Variants in MAST2 observed in about 807,000 individuals in gnomAD.
MAST2 encodes the protein microtubule associated serine/threonine kinase 2.
In MAST2, 70 loss-of-function variants were observed where a neutral mutation model predicts 147.4. The ratio of observed to expected loss-of-function variants is 0.47; its 90% confidence interval spans 0.39 to 0.58. MAST2 has a LOEUF of 0.58. Among genes scored for constraint, MAST2 ranks in the 20% least tolerant of loss-of-function variants. MAST2 has a pLI of 0.00. For synonymous variants in MAST2, 869 were observed against 896.8 expected, an observed-to-expected ratio of 0.97 and a Z score of 0.55; for missense variants, 2,080 against 2,302.3, an observed-to-expected ratio of 0.90 and a Z score of 1.98.
chr1:45,927,466 C>T (rs566611649), intron 4 of MAST2, among the ~76,000 whole-genome samples: 3 of 152,234 alleles, frequency 2.0e-5, no homozygotes, highest in Admixed American at 2.0e-4. Context: ...CCTCCAGGCG[C>T]GTATTCTCTT....
intron 4 of MAST2, among the ~76,000 whole-genome samples, chr1:45,904,854 C>CT (rs1650411966): frequency 6.6e-6 from 1 of 152,148 alleles, no homozygotes; most frequent in Non-Finnish European, 1.5e-5. Flanking sequence ...GTTGCCCAGG[C>CT]TGGAGTGTAG....
intron 4 of MAST2, among the ~76,000 whole-genome samples, chr1:45,908,577 A>T (rs1424944364): frequency 6.6e-6 from 1 of 152,202 alleles, no homozygotes; most frequent in African/African-American, 2.4e-5. Flanking sequence ...GTTTCCAAAT[A>T]TTGGAAGATT....
Position 46,035,569 on chromosome 1 carries a change from A to T in MAST2, c.4900A>T (p.Thr1634Ser). 1 of 1,613,536 alleles carries T rather than the reference A, an allele frequency of 6.2e-7. No individual in the cohort carries two copies. Among genetic ancestry groups the T allele is most frequent in the Non-Finnish European group, 8.5e-7 (1 of 1,179,972 alleles). Reference sequence around the variant, plus strand: ...GGCACTAACAGCACTTTCTCCCAGCACTTCGGGACTCACCCCCACCAGCAG... The same window carrying T: ...GGCACTAACAGCACTTTCTCCCAGCTCTTCGGGACTCACCCCCACCAGCAG... The part of the protein sequence containing the change: ...TQALTALSPS[T>S]SGLTPTSSCS... Residue 1634 changes from threonine (T) to serine (S), a missense_variant, in exon 29 of 29, where the codon ACT becomes TCT. Physicochemically the swap from Thr to Ser is moderately conservative, Grantham distance 58 (BLOSUM62 1). Transcript: ENST00000361297. This position sits in a 1 kb window ranked among gnomAD's most constrained non-coding sequence, Gnocchi z 5.5.
In MAST2 at chr1:45,988,202, C is replaced by T. The variant is rs144652096; in HGVS notation, c.593-9522C>T. ...TAATTTATTTTATTTTTTGTAGAGA[C>T]GTGGTCTGGCTATGTTGCCCAGGAT... On this transcript the variant is annotated intron_variant, in intron 5 of 28. Coordinates refer to ENST00000361297, the MANE Select transcript of MAST2 (RefSeq NM_015112.3). Among the ~76,000 whole-genome samples, 885 of 152,026 alleles carry T rather than the reference C, an allele frequency of 5.8e-3. 3 individuals are homozygous for T. The highest frequency in any genetic ancestry group is 0.02 in the Middle Eastern group (6 of 294).
intron 5 of MAST2, among the ~76,000 whole-genome samples, chr1:45,959,868 A>G (rs1272951085): frequency 6.6e-6 from 1 of 152,162 alleles, no homozygotes; most frequent in East Asian, 1.9e-4. Context: ...TTTTTCGTCT[A>G]ATGGGACTCC....
intron 5 of MAST2, among the ~76,000 whole-genome samples, chr1:45,978,912 G>A (rs941560668): frequency 2.6e-5 from 4 of 152,112 alleles, no homozygotes; most frequent in Non-Finnish European, 2.9e-5. Context: ...ATTTTTGGGC[G>A]ATAAAAATGT....
chr1:45,862,835 A>G (rs1646025251), intron 3 of MAST2, among the ~76,000 whole-genome samples: 1 of 152,196 alleles, frequency 6.6e-6, no homozygotes, highest in Non-Finnish European at 1.5e-5. Context: ...ATAATCCCAT[A>G]ACGTTAGTTT....
At chr1:46,007,547 C>G (rs1645536944) in intron 8 of MAST2, among the ~76,000 whole-genome samples, 1 of 152,186 alleles carries the variant, frequency 6.6e-6, no homozygotes, top group Admixed American at 6.5e-5. Flanking sequence ...GCAGGCAAAA[C>G]ATGGCACATT....
chr1:45,937,176 T>A (rs1320310459), intron 4 of MAST2, among the ~76,000 whole-genome samples: 3 of 151,860 alleles, frequency 2.0e-5, no homozygotes, highest in African/African-American at 7.3e-5. Flanking sequence ...GCTCAAGTGA[T>A]CCTTCCACTT....
At chr1:45,895,647 AACAG>A (rs1443714778) in intron 4 of MAST2, among the ~76,000 whole-genome samples, 2 of 152,248 alleles carry the variant, frequency 1.3e-5, no homozygotes, top group African/African-American at 2.4e-5. Flanking sequence ...AAAACTGTTT[AACAG>A]ACAGTTTTTT....
intron 4 of MAST2, among the ~76,000 whole-genome samples, chr1:45,884,365 T>C (rs1296861384): frequency 2.6e-5 from 4 of 152,004 alleles, no homozygotes; most frequent in African/African-American, 7.2e-5. Context: ...CTGACCAATA[T>C]GGTAAAACCC....
At chr1:45,902,255 T>G (rs968950167) in intron 4 of MAST2, among the ~76,000 whole-genome samples, 2 of 152,192 alleles carry the variant, frequency 1.3e-5, no homozygotes, top group Non-Finnish European at 2.9e-5. Context: ...TGGTTTTTGT[T>G]TTTTATTCTG....
At chr1:45,906,102 G>T (rs6675946) in intron 4 of MAST2, among the ~76,000 whole-genome samples, 67,667 of 151,844 alleles carry the variant, frequency 0.45, 15,267 homozygotes, top group East Asian at 0.63. Flanking sequence ...TGTGAAATGT[G>T]TTCAGATATT....
chr1:45,877,332 T>C (rs1570491821), intron 3 of MAST2, among the ~76,000 whole-genome samples: 1 of 152,266 alleles, frequency 6.6e-6, no homozygotes, highest in Admixed American at 6.5e-5. Flanking sequence ...GCTTAAGGGA[T>C]TCTCCTGCCT....
intron 4 of MAST2, among the ~76,000 whole-genome samples, chr1:45,933,808 A>G (rs981103859): frequency 6.6e-6 from 1 of 151,882 alleles, no homozygotes; most frequent in Non-Finnish European, 1.5e-5. Flanking sequence ...TGATATATTT[A>G]CTTATTTTTT....
rs1229800479 is a variant in MAST2, at chr1:45,803,995, C to T, written c.100C>T (p.Pro34Ser). Residue 34 changes from proline to serine, a missense_variant, in exon 1 of 29, where the codon CCG becomes TCG. Pro to Ser is a moderately conservative substitution (Grantham distance 74). This residue lies in a region of MAST2 where 24 missense variants were observed against 46.1 expected (regional missense o/e 0.52). Coordinates refer to ENST00000361297, the MANE Select transcript of MAST2 (RefSeq NM_015112.3). ...AGCGGAGCTGTCTCAGTCTTTGCCG[C>T]CGCGCCGGCGAGCGCCGCCCGGGAG... ...RAAELSQSLP[P>S]RRRAPPGRQR... The T allele has an allele frequency of 6.0e-6, 7 of 1,159,342 alleles. No homozygotes were observed. In the East Asian group the frequency reaches 1.9e-4, roughly 32 times the overall value. 71.8% of individuals were successfully genotyped at this position (1,159,342 alleles called of 1,614,324 possible). A position where few individuals can be genotyped will look rare whatever the true frequency, so the allele number is the denominator to read the frequency against.
Position 46,012,280 on chromosome 1 carries a change from A to G in MAST2, c.1188+1341A>G, listed in dbSNP as rs1037809324. Among the ~76,000 whole-genome samples the G allele has an allele frequency of 9.2e-5, 14 of 152,208 alleles. 1 individual carries two copies. The highest frequency in any genetic ancestry group is 1.5e-4 in the Non-Finnish European group (10 of 68,040). ...GTATGTTTAAGATTTATCTTCTAAA[A>G]TGCTAAAGTCAGAGCCTTGCCCAAA... On this transcript the variant is annotated intron_variant, in intron 10 of 28. Transcript: ENST00000361297.
intron 5 of MAST2, among the ~76,000 whole-genome samples, chr1:45,992,354 A>T (rs374006275): frequency 3.3e-5 from 5 of 152,160 alleles, no homozygotes; most frequent in African/African-American, 4.8e-5. Context: ...TTGATTTTCA[A>T]ATGTTGAGCC....
chr1:45,804,839 T>A (rs1570129736), intron 1 of MAST2, among the ~76,000 whole-genome samples: 6 of 152,242 alleles, frequency 3.9e-5, no homozygotes, highest in Admixed American at 2.0e-4. Flanking sequence ...AAGCTGCCAC[T>A]AGTAGCGGTA....
Sources: gnomAD v4.1 joint callset for allele counts (sites outside exome capture counted in the v4.1 genomes callset) on GRCh38, gnomAD v4.1.1 for gene constraint, gnomAD v4.1.1 regional missense constraint, Gnocchi (gnomAD v3.1) non-coding constraint, MANE v1.5 for transcripts, NCBI Gene and HGNC (gene_info 2026-07-23, HGNC 2026-07-21) for gene names.